The following CTNNA3 variants were observed in gnomAD, a reference collection of about 807,000 sequenced individuals.
The protein encoded by CTNNA3 is catenin alpha-3.
Under a neutral mutation model 95.7 loss-of-function variants are expected in CTNNA3, and 76 were observed. The ratio of observed to expected loss-of-function variants is 0.79; its 90% confidence interval spans 0.66 to 0.96. The LOEUF is 0.96. Among genes scored for constraint, CTNNA3 ranks in the 40% least tolerant of loss-of-function variants. CTNNA3 has a pLI of 0.00. For synonymous variants in CTNNA3, 431 were observed against 374.4 expected (o/e 1.15, Z -1.74); for missense variants, 1,191 against 1,089.8 (o/e 1.09, Z -1.31).
intron 15 of CTNNA3, among the ~76,000 whole-genome samples, chr10:66,042,804 G>C (rs1218021550): frequency 1.4e-5 from 2 of 145,902 alleles, no homozygotes; most frequent in African/African-American, 2.5e-5. Flanking sequence ...GCAGGCTGAG[G>C]CAAGAGAATT....
intron 12 of CTNNA3, among the ~76,000 whole-genome samples, chr10:66,293,522 G>A (rs1377000394): frequency 3.3e-5 from 5 of 151,966 alleles, no homozygotes; most frequent in African/African-American, 1.2e-4. Flanking sequence ...GATATTTAAT[G>A]GCCTTTAGAA....
chr10:66,785,795 T>C (rs1184868857), intron 7 of CTNNA3, among the ~76,000 whole-genome samples: 1 of 152,196 alleles, frequency 6.6e-6, no homozygotes, highest in Non-Finnish European at 1.5e-5. Context: ...TGTTTATCTG[T>C]AGAATCCTGG....
At chr10:67,276,861 T>C (rs1839196812) in intron 5 of CTNNA3, among the ~76,000 whole-genome samples, 1 of 151,838 alleles carries the variant, frequency 6.6e-6, no homozygotes, top group Non-Finnish European at 1.5e-5. Flanking sequence ...GAAGCCTATA[T>C]ATACATTGTG....
intron 11 of CTNNA3, among the ~76,000 whole-genome samples, chr10:66,440,229 T>C (rs2093365870): frequency 6.6e-6 from 1 of 152,228 alleles, no homozygotes; most frequent in Admixed American, 6.5e-5. Flanking sequence ...ATGATATCTT[T>C]GTAATATAAT....
chr10:66,360,819 T>TCC (rs1461861306), intron 12 of CTNNA3, among the ~76,000 whole-genome samples: 13 of 57,606 alleles, frequency 2.3e-4, no homozygotes, highest in African/African-American at 1.6e-3. Context: ...CTTCCTTCCT[T>TCC]TCTTTCTTTC....
intron 7 of CTNNA3, among the ~76,000 whole-genome samples, chr10:67,058,151 C>A (rs964302069): frequency 5.9e-5 from 9 of 152,104 alleles, no homozygotes; most frequent in Admixed American, 1.3e-4. Context: ...AATTACAGTT[C>A]CTATAATCTT....
chr10:67,646,538 T>C (rs1413402825), intron 2 of CTNNA3, among the ~76,000 whole-genome samples: 1 of 152,080 alleles, frequency 6.6e-6, no homozygotes, highest in African/African-American at 2.4e-5. Context: ...ATATGTAAAC[T>C]TGTAAAAATA....
At chr10:66,054,960 A>C (rs2080046549) in intron 15 of CTNNA3, among the ~76,000 whole-genome samples, 1 of 152,196 alleles carries the variant, frequency 6.6e-6, no homozygotes, top group South Asian at 2.1e-4. Context: ...CTTTCCCAGC[A>C]CCATTTATTG....
At chr10:66,448,139 A>C (rs1324850974) in intron 11 of CTNNA3, among the ~76,000 whole-genome samples, 2 of 152,108 alleles carry the variant, frequency 1.3e-5, no homozygotes, top group Non-Finnish European at 2.9e-5. Context: ...ACCATCTCAC[A>C]CCAGTTAGAA....
chr10:66,685,352 T>TACA (rs1387088025), intron 9 of CTNNA3, among the ~76,000 whole-genome samples: 1 of 10,246 alleles, frequency 9.8e-5, no homozygotes, highest in Non-Finnish European at 1.6e-4. Flanking sequence ...TATATATATA[T>TACA]TTTTTTTTTT....
chr10:66,520,927 AT>A (rs1255774595), intron 10 of CTNNA3, among the ~76,000 whole-genome samples, 154 bp from the exon 11 acceptor site: 2 of 150,840 alleles, frequency 1.3e-5, no homozygotes, highest in African/African-American at 2.4e-5. Flanking sequence ...TAAATAAAAA[AT>A]ATTAAAACAA....
intron 5 of CTNNA3, among the ~76,000 whole-genome samples, chr10:67,338,820 T>C (rs559116847): frequency 1.3e-5 from 2 of 152,310 alleles, no homozygotes; most frequent in South Asian, 2.1e-4. Context: ...GCAAAAAATA[T>C]GTAACAGTCT....
chr10:66,966,814 C>G (rs1849441240), intron 7 of CTNNA3, among the ~76,000 whole-genome samples: 1 of 152,026 alleles, frequency 6.6e-6, no homozygotes, highest in African/African-American at 2.4e-5. Context: ...TCAGTGTGCT[C>G]TCACATCTCC....
intron 5 of CTNNA3, among the ~76,000 whole-genome samples, chr10:67,492,004 T>C (rs1001325675): frequency 3.3e-5 from 5 of 152,076 alleles, no homozygotes; most frequent in African/African-American, 9.7e-5. Context: ...AAATCTTGAA[T>C]TGAAGAGAAA....
At chr10:66,304,506 G>A (rs1312206425) in intron 12 of CTNNA3, among the ~76,000 whole-genome samples, 1 of 152,082 alleles carries the variant, frequency 6.6e-6, no homozygotes, top group Non-Finnish European at 1.5e-5. Flanking sequence ...GGATGAGAAT[G>A]AACAAAGATT....
At chr10:67,698,191 C>T (rs1442652578), upstream of CTNNA3, among the ~76,000 whole-genome samples, 1 of 151,790 alleles carries the variant, frequency 6.6e-6, no homozygotes, top group Non-Finnish European at 1.5e-5. Context: ...AAAATTTTGG[C>T]TCACATGCCT....
At chr10:67,642,072 C>T (rs1839554848) in intron 2 of CTNNA3, among the ~76,000 whole-genome samples, 1 of 151,904 alleles carries the variant, frequency 6.6e-6, no homozygotes, top group African/African-American at 2.4e-5. Context: ...AAACCCAAAA[C>T]TATAAAAACC....
chr10:67,329,266 A>G (rs1393036281), intron 5 of CTNNA3, among the ~76,000 whole-genome samples: 1 of 152,174 alleles, frequency 6.6e-6, no homozygotes, highest in Non-Finnish European at 1.5e-5. Flanking sequence ...AGCTACTTGG[A>G]GTGCTGAGGC....
chr10:66,503,755 T>C (rs1478503826), intron 11 of CTNNA3, among the ~76,000 whole-genome samples: 1 of 152,074 alleles, frequency 6.6e-6, no homozygotes, highest in African/African-American at 2.4e-5. Context: ...GAGTGAGCCA[T>C]TGCGCCTGGC....
Sources: allele counts gnomAD v4.1 joint callset (sites outside exome capture counted in the v4.1 genomes callset), GRCh38; gene constraint gnomAD v4.1.1; transcripts MANE v1.5; gene names NCBI Gene and HGNC (gene_info 2026-07-23, HGNC 2026-07-21).